ACACA: variants seen among roughly 807,000 people sequenced by gnomAD.
The protein encoded by ACACA is acetyl-CoA carboxylase alpha, also known as acetyl-CoA carboxylase 1.
A neutral mutation model predicts 296.1 loss-of-function variants in ACACA; 103 were observed. The ratio of observed to expected loss-of-function variants is 0.35; its 90% CI spans 0.30 to 0.41. The LOEUF is 0.41. ACACA is among the 10% of genes least tolerant of loss of function. The pLI is 1.00. For synonymous variants in ACACA, 953 were observed against 1,038.6 expected (o/e 0.92, Z 1.58); for missense variants, 1,554 against 2,989.7 (o/e 0.52, Z 11.20).
chr17:37,287,778 G>A (rs1387926336), intron 3 of ACACA, among the ~76,000 whole-genome samples: 1 of 151,596 alleles, frequency 6.6e-6, no homozygotes, highest in African/African-American at 2.4e-5. Flanking sequence ...AACAAGAAGG[G>A]ACAGTTCAGA....
chr17:37,086,769 G>C lies in ACACA; in HGVS notation c.*547C>G, dbSNP rs569265548. The C allele has an allele frequency of 5.9e-6, 1 of 169,082 alleles. No individual in the cohort carries two copies. The highest frequency in any genetic ancestry group is 2.4e-5 in the African/African-American group (1 of 42,034). The allele number at this position is 169,082 out of a possible 1,614,324, so 10.5% of individuals were successfully genotyped here. On this transcript the variant is annotated 3_prime_UTR_variant, in exon 56 of 56. Coordinates refer to ENST00000616317, the MANE Select transcript of ACACA (RefSeq NM_198834.3). Reference sequence around the variant, plus strand: ...CTAATTTTTCTTCATAAAAGGTACCGTAGTGTGGTTAAACTGGGAATCATT... The same window carrying C: ...CTAATTTTTCTTCATAAAAGGTACCCTAGTGTGGTTAAACTGGGAATCATT...
At chr17:37,197,582 T>C (rs751678604) in intron 35 of ACACA, among the ~76,000 whole-genome samples, 48 of 152,168 alleles carry the variant, frequency 3.2e-4, no homozygotes, top group Non-Finnish European at 6.3e-4. Flanking sequence ...TCAGATGACA[T>C]GACAGAGGCT....
chr17:37,312,743 G>A (rs1567980277), intron 3 of ACACA, among the ~76,000 whole-genome samples: 1 of 152,104 alleles, frequency 6.6e-6, no homozygotes, highest in African/African-American at 2.4e-5. Flanking sequence ...AATAATAAAG[G>A]CAGCTGGGCC....
chr17:37,181,817 G>A (rs558066447), intron 39 of ACACA, among the ~76,000 whole-genome samples: 139 of 142,896 alleles, frequency 9.7e-4, no homozygotes, highest in East Asian at 4.9e-3. Context: ...GGAGAATGGC[G>A]TGAACCCAGG....
chr17:37,175,620 C>A (rs2077083643), intron 41 of ACACA, among the ~76,000 whole-genome samples: 1 of 152,202 alleles, frequency 6.6e-6, no homozygotes. Flanking sequence ...TTAGTCTATG[C>A]TGCAATCACA....
intron 38 of ACACA, among the ~76,000 whole-genome samples, chr17:37,189,451 G>A (rs938177484): frequency 6.6e-6 from 1 of 152,176 alleles, no homozygotes; most frequent in Non-Finnish European, 1.5e-5. Context: ...ATTTCAGGGA[G>A]TTAACCTCTC....
intron 33 of ACACA, 75 bp downstream of exon 33, chr17:37,205,690 C>T (rs755750483): frequency 3.1e-5 from 36 of 1,168,286 alleles, no homozygotes; most frequent in Middle Eastern, 1.9e-4. Flanking sequence ...AAACTAGCAA[C>T]TGATAAAAGG....
rs1354895007 is a variant in ACACA at position 37,085,919 on chromosome 17, C to T, written c.*1397G>A. On this transcript the variant is annotated 3_prime_UTR_variant, in exon 56 of 56. Transcript: ENST00000616317. ...ATGCAGTTAGCTGCACTAAAGGAAC[C>T]GGATGCTACACCAGCCCTGATCACC... 2.3e-5 allele frequency: 9 copies of T among 398,416 alleles called. No homozygotes were observed. The highest frequency in any genetic ancestry group is 1.3e-4 in the Admixed American group (3 of 22,712). The allele number at this position is 398,416 out of a possible 1,614,324, so 24.7% of individuals were successfully genotyped here.
intron 24 of ACACA, among the ~76,000 whole-genome samples, chr17:37,235,361 T>C (rs886825899): frequency 1.3e-5 from 2 of 152,054 alleles, no homozygotes; most frequent in Non-Finnish European, 2.9e-5. Context: ...GGGAAAATCA[T>C]TTTACCTCTC....
At chr17:37,188,585 T>C in intron 38 of ACACA, 105 bp from the exon 39 acceptor site, 1 of 1,290,382 alleles carries the variant, frequency 7.7e-7, no homozygotes, top group Non-Finnish European at 1.1e-6. Context: ...AAAAAAGAGG[T>C]TGGTTTGTGG....
In ACACA at chr17:37,087,011, A is replaced by T. The variant is rs1227282260; in HGVS notation, c.*305T>A. The T allele has an allele frequency of 6.6e-6, 3 of 452,694 alleles. No individual in the cohort carries two copies. Among genetic ancestry groups the T allele is most frequent in the Non-Finnish European group, 8.2e-6 (2 of 243,536 alleles). 28.0% of individuals were successfully genotyped at this position (452,694 alleles called of 1,614,324 possible). A position where few individuals can be genotyped will look rare whatever the true frequency, so the allele number is the denominator to read the frequency against. On this transcript the variant is annotated 3_prime_UTR_variant, in exon 56 of 56. Coordinates refer to ENST00000616317, the MANE Select transcript of ACACA (RefSeq NM_198834.3). ...CAGGAGGGGCAGCCCTACTTTGGTT[A>T]GTAAGACCTCATGGTACATGTTTGT...
chr17:37,253,126 T>C, intron 14 of ACACA, 90 bp from the exon 15 acceptor site: 2 of 1,570,204 alleles, frequency 1.3e-6, no homozygotes, highest in South Asian at 2.2e-5. Flanking sequence ...GCATGGTGGC[T>C]CACGCCTGTA....
intron 43 of ACACA, among the ~76,000 whole-genome samples, chr17:37,151,902 C>T (rs28528949): frequency 4.6e-5 from 7 of 152,112 alleles, no homozygotes; most frequent in Non-Finnish European, 8.8e-5. Flanking sequence ...GCACGTGATC[C>T]GCCCACCTCA....
chr17:37,339,513 A>T (rs977594586), intron 2 of ACACA, among the ~76,000 whole-genome samples: 1 of 152,220 alleles, frequency 6.6e-6, no homozygotes, highest in Admixed American at 6.5e-5. Context: ...GAGCCTACAA[A>T]CCAACAGAAA....
At chr17:37,262,090 A>G (rs1005593360) in intron 11 of ACACA, among the ~76,000 whole-genome samples, 3 of 152,130 alleles carry the variant, frequency 2.0e-5, no homozygotes, top group African/African-American at 7.2e-5. Context: ...GTGTGCTCTG[A>G]AAGTAGGAAA....
chr17:37,121,493 A>T lies in ACACA; in HGVS notation c.6139-3T>A. ...ACCTGGCCAGCCTGCTGGATTATCT[A>T]TTAGGAAAAGTCAAAGAAGACACAA... On this transcript the variant is annotated splice_polypyrimidine_tract_variant and splice_region_variant and intron_variant, in intron 49 of 55. Transcript: ENST00000616317. 1.2e-6 allele frequency: 2 copies of T among 1,614,132 alleles called. No individual in the cohort carries two copies. Among genetic ancestry groups the T allele is most frequent in the South Asian group, 2.2e-5 (2 of 91,078 alleles).
chr17:37,157,269 C>G (rs908750893), intron 42 of ACACA, among the ~76,000 whole-genome samples: 20 of 152,258 alleles, frequency 1.3e-4, no homozygotes, highest in Non-Finnish European at 2.2e-4. Context: ...GTAGAAGGAG[C>G]AGCAAGTACA....
chr17:37,240,179 C>A (rs558716969), intron 24 of ACACA, among the ~76,000 whole-genome samples: 16 of 152,276 alleles, frequency 1.1e-4, no homozygotes, highest in East Asian at 9.7e-4. Context: ...TTACACTACA[C>A]AAGGTCAAAA....
At chr17:37,335,376 C>T (rs1347104332) in intron 2 of ACACA, among the ~76,000 whole-genome samples, 1 of 152,170 alleles carries the variant, frequency 6.6e-6, no homozygotes, top group Admixed American at 6.5e-5. Context: ...CAAACCTCAC[C>T]TGTGTAAAAT....
Sources: allele counts gnomAD v4.1 joint callset (sites outside exome capture counted in the v4.1 genomes callset), GRCh38; gene constraint gnomAD v4.1.1; transcripts MANE v1.5; gene names NCBI Gene and HGNC (gene_info 2026-07-23, HGNC 2026-07-21).